Variants in JAK2 observed in about 807,000 individuals in gnomAD.
JAK2 encodes the protein Janus kinase 2, also known as tyrosine-protein kinase JAK2.
Under a neutral mutation model 139.3 loss-of-function variants are expected in JAK2, and 86 were observed. That is an observed-to-expected ratio of 0.62 (90% CI 0.52 to 0.74). The LOEUF (loss-of-function observed/expected upper bound fraction) is 0.74. JAK2 is among the 30% of genes least tolerant of loss of function. The pLI, the probability that JAK2 is intolerant of heterozygous loss-of-function variation, is 0.00. For missense variants in JAK2, 1,421 were observed against 1,360.3 expected (o/e 1.04, Z -0.70); for synonymous variants, 490 against 437.7 (o/e 1.12, Z -1.49).
At chr9:5,064,028 T>C (rs1440540942) in intron 8 of JAK2, among the ~76,000 whole-genome samples, 3 of 152,070 alleles carry the variant, frequency 2.0e-5, no homozygotes, top group Admixed American at 2.0e-4. Flanking sequence ...TCTTGGCGTG[T>C]GCCTGTAATC....
rs149683525 is a variant in JAK2, at chr9:5,055,741, A to T, written c.1009A>T (p.Asn337Tyr). The T allele has an allele frequency of 4.3e-6, 7 of 1,610,884 alleles. No homozygotes were observed. The highest frequency in any genetic ancestry group is 5.9e-6 in the Non-Finnish European group (7 of 1,177,808). Residue 337 changes from asparagine to tyrosine, a missense_variant, in exon 8 of 25, where the codon AAT becomes TAT. Coordinates refer to ENST00000381652, the MANE Select transcript of JAK2 (RefSeq NM_004972.4). ...SIKQANQEGS[N>Y]ESRVVTIHKQ... is the part of the protein sequence containing the mutation. Reference sequence around the variant, plus strand: ...TAAGCAAGCAAACCAAGAGGGTTCAAATGAAAGCCGAGTTGTAACTATCCA... The same window carrying T: ...TAAGCAAGCAAACCAAGAGGGTTCATATGAAAGCCGAGTTGTAACTATCCA...
intron 2 of JAK2, among the ~76,000 whole-genome samples, chr9:5,012,541 T>C (rs1370211479): frequency 6.6e-6 from 1 of 152,186 alleles, no homozygotes; most frequent in Non-Finnish European, 1.5e-5. Flanking sequence ...TCTGAACTTC[T>C]CATTAAGGGA....
At chr9:5,106,997 T>C (rs959759525) in intron 22 of JAK2, among the ~76,000 whole-genome samples, 16 of 152,138 alleles carry the variant, frequency 1.1e-4, no homozygotes, top group Non-Finnish European at 1.0e-4. Context: ...AACCTGCACA[T>C]TGTGCACATG....
chr9:5,067,957 T>C (rs1818681942), intron 10 of JAK2, among the ~76,000 whole-genome samples: 1 of 152,022 alleles, frequency 6.6e-6, no homozygotes, highest in Non-Finnish European at 1.5e-5. Flanking sequence ...ATTGAGACCA[T>C]CCTGGCCAAT....
chr9:5,087,749 A>C (rs898991542), intron 19 of JAK2, among the ~76,000 whole-genome samples: 1 of 152,112 alleles, frequency 6.6e-6, no homozygotes, highest in Non-Finnish European at 1.5e-5. Context: ...CTTCTAATGC[A>C]GTGTGTATCA....
In JAK2 at chr9:5,007,217, T is replaced by C. The variant is rs142476948; in HGVS notation, c.-25-14746T>C. On this transcript the variant is annotated intron_variant, in intron 2 of 24. Transcript: ENST00000381652. ...TTATTTAATAACATTGTTCAGCCTT[T>C]CTTCTCGTCTTGTGTATGAATTTAA... 3.9e-3 allele frequency among the ~76,000 whole-genome samples: 597 copies of C among 152,282 alleles called. 3 individuals carry two copies. The highest frequency in any genetic ancestry group is 6.1e-3 in the Non-Finnish European group (416 of 68,016).
intron 4 of JAK2, among the ~76,000 whole-genome samples, chr9:5,039,635 G>C (rs1392078242): frequency 2.6e-5 from 4 of 152,018 alleles, no homozygotes; most frequent in Admixed American, 2.0e-4. Flanking sequence ...ATGAGCTCAG[G>C]TCAGTTGCAG....
intron 22 of JAK2, among the ~76,000 whole-genome samples, chr9:5,092,225 G>C (rs112757426): frequency 2.6e-5 from 4 of 152,234 alleles, no homozygotes; most frequent in African/African-American, 9.6e-5. Context: ...GCTCAAGGAG[G>C]ATTTAGCAGT....
intron 2 of JAK2, among the ~76,000 whole-genome samples, chr9:5,015,553 G>C (rs1195674641): frequency 3.4e-5 from 4 of 117,498 alleles, no homozygotes; most frequent in Non-Finnish European, 7.1e-5. Flanking sequence ...TTTTTTTTTT[G>C]AGACAAGGTC....
intron 2 of JAK2, among the ~76,000 whole-genome samples, chr9:5,017,453 T>C (rs1822140979): frequency 6.6e-6 from 1 of 152,254 alleles, no homozygotes; most frequent in Non-Finnish European, 1.5e-5. Context: ...GATTTGTTAA[T>C]CTTTTCCATC....
At chr9:5,072,445 G>A (rs146514488) in intron 12 of JAK2, 47 bp from the exon 13 acceptor site, 124 of 1,408,268 alleles carry the variant, frequency 8.8e-5, no homozygotes, top group African/African-American at 7.7e-4. Flanking sequence ...TTCCTACTTC[G>A]TTCTCCATCT....
At chr9:5,058,308 A>G (rs1586717544) in intron 8 of JAK2, among the ~76,000 whole-genome samples, 1 of 152,218 alleles carries the variant, frequency 6.6e-6, no homozygotes, top group Non-Finnish European at 1.5e-5. Flanking sequence ...TGGCTGGCCC[A>G]GGAAACTTAA....
At chr9:5,021,728 C>G (rs2130070922) in intron 2 of JAK2, among the ~76,000 whole-genome samples, 1 of 152,256 alleles carries the variant, frequency 6.6e-6, no homozygotes, top group Admixed American at 6.5e-5. Flanking sequence ...CAGGTTCAAG[C>G]AATTCTTCCG....
At position 5,090,847 on chromosome 9, in the gene JAK2, A is replaced by C; in HGVS notation, c.2995A>C (p.Lys999Gln). 6.2e-7 allele frequency: 1 copy of C among 1,613,432 alleles called. No homozygotes were observed. The highest frequency in any genetic ancestry group is 8.5e-7 in the Non-Finnish European group (1 of 1,179,550). ...RVKIGDFGLT[K>Q]VLPQDKEYYK... ...TAAAATTGGAGATTTTGGGTTAACC[A>C]AAGTCTTGCCACAAGACAAAGAATA... is the stretch of plus-strand genomic sequence containing the variant. Residue 999 changes from lysine to glutamine, a missense_variant, in exon 22 of 25, where the codon AAA becomes CAA. Lys to Gln is a moderately conservative substitution (Grantham distance 53). Transcript: ENST00000381652.
chr9:5,048,855 C>T (rs911594338), intron 5 of JAK2, among the ~76,000 whole-genome samples: 6 of 152,102 alleles, frequency 3.9e-5, no homozygotes, highest in South Asian at 2.1e-4. Flanking sequence ...GGCCCTTGTC[C>T]GGTTTAAAAC....
At chr9:5,085,117 T>G (rs1819981547) in intron 19 of JAK2, 2 of 651,670 alleles carry the variant, frequency 3.1e-6, no homozygotes, top group Non-Finnish European at 5.9e-6. Flanking sequence ...GTAGGTTGTT[T>G]GTTTTACACC....
chr9:5,082,978 ATCTC>A (rs1429022956), intron 19 of JAK2, among the ~76,000 whole-genome samples: 2 of 152,204 alleles, frequency 1.3e-5, no homozygotes, highest in African/African-American at 2.4e-5. Flanking sequence ...TAACACACTG[ATCTC>A]TCTTTCTTTT....
intron 22 of JAK2, chr9:5,112,476 C>T: frequency 1.8e-6 from 1 of 548,046 alleles, no homozygotes; most frequent in Non-Finnish European, 3.3e-6. Context: ...GGGACCGGAC[C>T]AGCCCAGACA....
chr9:5,114,904 C>T (rs1823004134), intron 22 of JAK2: 2 of 192,064 alleles, frequency 1.0e-5, no homozygotes, highest in South Asian at 1.9e-4. Flanking sequence ...CCCCAGGAAG[C>T]CACCCCCAAT....
Sources: allele counts gnomAD v4.1 joint callset (sites outside exome capture counted in the v4.1 genomes callset), GRCh38; gene constraint gnomAD v4.1.1; transcripts MANE v1.5; gene names NCBI Gene and HGNC (gene_info 2026-07-23, HGNC 2026-07-21).